Variants in KIAA0825 observed in about 807,000 individuals in gnomAD.
The protein encoded by KIAA0825 is uncharacterized protein KIAA0825.
Under a neutral mutation model 147.6 loss-of-function variants are expected in KIAA0825, and 119 were observed. The observed-to-expected ratio is 0.81, with a 90% CI of 0.69 to 0.94. The LOEUF is 0.94. Among genes scored for constraint, KIAA0825 ranks in the 40% least tolerant of loss-of-function variants. The pLI is 0.00. For synonymous variants in KIAA0825, 470 were observed against 518.1 expected, an observed-to-expected ratio of 0.91 and a Z score of 1.26; for missense variants, 1,381 against 1,472.7, an observed-to-expected ratio of 0.94 and a Z score of 1.02.
chr5:94,285,331 T>TA (rs1271554090), intron 20 of KIAA0825, among the ~76,000 whole-genome samples: 2 of 152,112 alleles, frequency 1.3e-5, no homozygotes, highest in African/African-American at 2.4e-5. Flanking sequence ...TTATTTTTTT[T>TA]AAAAACAGCT....
At chr5:94,587,665 T>A (rs1185925110) in intron 1 of KIAA0825, among the ~76,000 whole-genome samples, 1 of 152,152 alleles carries the variant, frequency 6.6e-6, no homozygotes, top group Non-Finnish European at 1.5e-5. Flanking sequence ...AAGCTACCAA[T>A]GACTTTCTTC....
rs1584651768 is a variant in KIAA0825 at position 94,487,454 on chromosome 5, G to A, written c.971-2524C>T. On this transcript the variant is annotated intron_variant, in intron 5 of 20. Coordinates refer to ENST00000682413, the MANE Select transcript of KIAA0825 (RefSeq NM_001145678.3). ...CAATTAAAGCGAAATTAAGCACAAA[G>A]GATGAAGTAGCATTTCCCAAACTTA... Among the ~76,000 whole-genome samples, 3 of 152,254 alleles carry A rather than the reference G, an allele frequency of 2.0e-5. No homozygotes were observed. In the Middle Eastern group the frequency reaches 0.01, roughly 518 times the overall value.
chr5:94,528,329 A>G (rs1484847897), intron 3 of KIAA0825, among the ~76,000 whole-genome samples: 2 of 152,190 alleles, frequency 1.3e-5, no homozygotes, highest in Non-Finnish European at 2.9e-5. Flanking sequence ...GCAACACAGT[A>G]TGAAAGAAAC....
At chr5:94,372,047 C>T (rs979852112) in intron 20 of KIAA0825, among the ~76,000 whole-genome samples, 1 of 152,216 alleles carries the variant, frequency 6.6e-6, no homozygotes, top group Non-Finnish European at 1.5e-5. Flanking sequence ...AGTTATTAAA[C>T]CTTAAAATTC....
intron 14 of KIAA0825, among the ~76,000 whole-genome samples, chr5:94,424,173 G>A (rs1754544935): frequency 6.6e-6 from 1 of 151,954 alleles, no homozygotes; most frequent in Non-Finnish European, 1.5e-5. Flanking sequence ...GTTTTATTCT[G>A]TGTTATTGAG....
intron 20 of KIAA0825, among the ~76,000 whole-genome samples, chr5:94,226,335 G>C (rs1383982852): frequency 6.6e-6 from 1 of 152,128 alleles, no homozygotes; most frequent in Admixed American, 6.5e-5. Flanking sequence ...ATGCCAGTTA[G>C]AATGGCTATC....
At chr5:94,561,982 TA>T (rs1319550164) in intron 2 of KIAA0825, among the ~76,000 whole-genome samples, 1 of 152,200 alleles carries the variant, frequency 6.6e-6, no homozygotes, top group African/African-American at 2.4e-5. Context: ...AAACAATTTT[TA>T]AATGGCTTTT....
At chr5:94,399,270 A>T (rs534237902) in intron 16 of KIAA0825, among the ~76,000 whole-genome samples, 14 of 152,200 alleles carry the variant, frequency 9.2e-5, no homozygotes, top group African/African-American at 3.1e-4. Flanking sequence ...CATAGTCCCT[A>T]TTCTGCTTTT....
chr5:94,388,311 G>A (rs1749447441), intron 18 of KIAA0825, among the ~76,000 whole-genome samples: 1 of 152,128 alleles, frequency 6.6e-6, no homozygotes, highest in South Asian at 2.1e-4. Context: ...TTCCTAACAG[G>A]CCACCAACTG....
intron 5 of KIAA0825, among the ~76,000 whole-genome samples, chr5:94,512,766 A>G (rs891585776): frequency 6.6e-6 from 1 of 152,026 alleles, no homozygotes; most frequent in Non-Finnish European, 1.5e-5. Flanking sequence ...GCATGGTGGC[A>G]GGAGCCTGTA....
At chr5:94,564,221 T>G (rs1166378780) in intron 2 of KIAA0825, among the ~76,000 whole-genome samples, 7 of 149,472 alleles carry the variant, frequency 4.7e-5, no homozygotes, top group Non-Finnish European at 1.5e-5. Context: ...CTTGTTTTTT[T>G]TTTTTTTTTT....
rs144442828 is a variant in KIAA0825, at chr5:94,420,751, A to G, written c.2498-3386T>C. On this transcript the variant is annotated intron_variant, in intron 14 of 20. Transcript: ENST00000682413. ...AAAGAGGGAAGAAAAGAAGGAAGGAAGGCAGAAAAAATAGATTGTTTTAAT... is the reference window on the plus strand; with the variant it reads ...AAAGAGGGAAGAAAAGAAGGAAGGAGGGCAGAAAAAATAGATTGTTTTAAT... Among the ~76,000 whole-genome samples the G allele has an allele frequency of 2.0e-5, 3 of 152,264 alleles. No individual in the cohort carries two copies. In the East Asian group the frequency reaches 5.8e-4, roughly 29 times the overall value.
At chr5:94,450,256 T>C (rs1758233202) in intron 13 of KIAA0825, among the ~76,000 whole-genome samples, 2 of 150,424 alleles carry the variant, frequency 1.3e-5, no homozygotes, top group Admixed American at 1.3e-4. Flanking sequence ...ATATGTACTT[T>C]TTTTTGTGCT....
intron 15 of KIAA0825, among the ~76,000 whole-genome samples, chr5:94,407,463 G>C (rs1752216357): frequency 6.6e-6 from 1 of 152,156 alleles, no homozygotes; most frequent in African/African-American, 2.4e-5. Context: ...ATCAACTGAT[G>C]AATCAATAAG....
chr5:94,405,928 T>A (rs573542330), intron 15 of KIAA0825, among the ~76,000 whole-genome samples: 1 of 152,208 alleles, frequency 6.6e-6, no homozygotes, highest in Admixed American at 6.5e-5. Context: ...TTATTTATTT[T>A]TATTTTTATT....
intron 2 of KIAA0825, among the ~76,000 whole-genome samples, chr5:94,537,693 C>G (rs1772361260): frequency 6.6e-6 from 1 of 151,492 alleles, no homozygotes; most frequent in Non-Finnish European, 1.5e-5. Flanking sequence ...CAGCAGCCCT[C>G]AGAGACTACT....
At chr5:94,174,933 C>T (rs1768952778) in intron 20 of KIAA0825, among the ~76,000 whole-genome samples, 2 of 152,108 alleles carry the variant, frequency 1.3e-5, no homozygotes, top group South Asian at 2.1e-4. Context: ...TGCCCTCTTC[C>T]TATTTCATTA....
chr5:94,494,266 C>T (rs991949090), intron 5 of KIAA0825, among the ~76,000 whole-genome samples: 2 of 150,838 alleles, frequency 1.3e-5, no homozygotes, highest in African/African-American at 4.9e-5. Flanking sequence ...TGACTTCTTG[C>T]TCATTTCCCA....
chr5:94,401,737 T>C lies in KIAA0825; in HGVS notation c.2887+1832A>G, dbSNP rs543751120. Among the ~76,000 whole-genome samples, 3 of 152,168 alleles carry C rather than the reference T, an allele frequency of 2.0e-5. No homozygotes were observed. The East Asian group carries it at 5.8e-4, about 29-fold the overall frequency. ...TTGTACATCTCTTATTTGTACCCATTTTGAAACAGTTATACTAGTCTCCTG... is the reference window on the plus strand; with the variant it reads ...TTGTACATCTCTTATTTGTACCCATCTTGAAACAGTTATACTAGTCTCCTG... On this transcript the variant is annotated intron_variant, in intron 16 of 20. Coordinates refer to ENST00000682413, the MANE Select transcript of KIAA0825 (RefSeq NM_001145678.3).
Sources: gnomAD v4.1 joint callset for allele counts (sites outside exome capture counted in the v4.1 genomes callset) on GRCh38, gnomAD v4.1.1 for gene constraint, MANE v1.5 for transcripts, NCBI Gene and HGNC (gene_info 2026-07-23, HGNC 2026-07-21) for gene names.